The following C1RL variants were observed in gnomAD, a reference collection of about 807,000 sequenced individuals.
C1RL encodes complement C1r subcomponent-like protein.
A neutral mutation model predicts 27.9 loss-of-function variants in C1RL; 27 were observed. The observed-to-expected ratio is 0.97, with a 90% CI of 0.71 to 1.33. The LOEUF is 1.33. Ranked by LOEUF, C1RL falls within the 40% of genes most tolerant of loss-of-function variation. The probability of loss-of-function intolerance (pLI) is 0.00; values close to 1 mark genes in which losing one functional copy is unlikely to be tolerated. For missense variants in C1RL, 563 were observed against 623.9 expected (o/e 0.90, Z 1.04); for synonymous variants, 248 against 252.1 (o/e 0.98, Z 0.15).
In C1RL at chr12:7,109,213, C is replaced by G. The variant is rs1484009468; in HGVS notation, c.-33G>C. 19 of 1,504,456 alleles carry G rather than the reference C, an allele frequency of 1.3e-5. No individual in the cohort carries two copies. The highest frequency in any genetic ancestry group is 1.7e-5 in the Non-Finnish European group (19 of 1,089,788). The allele number at this position is 1,504,456 out of a possible 1,614,324, so 93.2% of individuals were successfully genotyped here. A position where few individuals can be genotyped will look rare whatever the true frequency, so the allele number is the denominator to read the frequency against. ...TGGACATCTGGGACCTGCGAGAGAA[C>G]TGGCCCAGGATAGGGAACAAAAGGT... On this transcript the variant is annotated 5_prime_UTR_variant, in exon 1 of 6. Transcript: ENST00000266542.
At chr12:7,108,868 C>T (rs1168605895) in intron 1 of C1RL, 3 of 557,738 alleles carry the variant, frequency 5.4e-6, no homozygotes, top group Non-Finnish European at 9.6e-6. Context: ...CGACCACCCT[C>T]TGGGAAGGTG....
rs972893938 is a variant in C1RL, at chr12:7,095,856, C to G, written c.*535G>C. The G allele has an allele frequency of 1.1e-6, 1 of 880,410 alleles. No homozygotes were observed. Among genetic ancestry groups the G allele is most frequent in the Non-Finnish European group, 1.4e-6 (1 of 734,368 alleles). The allele number at this position is 880,410 out of a possible 1,614,324, so 54.5% of individuals were successfully genotyped here. A position where few individuals can be genotyped will look rare whatever the true frequency, so the allele number is the denominator to read the frequency against. Reference sequence around the variant, plus strand: ...TTAAGTGAAATAACAGGTGAAGCACCTGGCATATAGAGGACATAAAATAAA... The same window carrying G: ...TTAAGTGAAATAACAGGTGAAGCACGTGGCATATAGAGGACATAAAATAAA... On this transcript the variant is annotated 3_prime_UTR_variant, in exon 6 of 6. Transcript: ENST00000266542.
intron 5 of C1RL, 93 bp from the exon 6 acceptor site, chr12:7,097,256 C>T (rs958996678): frequency 4.3e-5 from 48 of 1,122,126 alleles, no homozygotes; most frequent in East Asian, 1.5e-4. Flanking sequence ...TGGTAGGGGA[C>T]GCGTGAAGAG....
intron 2 of C1RL, among the ~76,000 whole-genome samples, chr12:7,107,165 T>C (rs1231290067): frequency 6.6e-6 from 1 of 151,274 alleles, no homozygotes; most frequent in Non-Finnish European, 1.5e-5. Flanking sequence ...TAAACCTTTT[T>C]AAAAACCTTT....
chr12:7,096,182 G>A lies in C1RL; in HGVS notation c.*209C>T. ...AGAGGGTGAGGAGGAGCGGTCTGTG[G>A]GACTCTGCTTCCTGTCTGGGATGGG... On this transcript the variant is annotated 3_prime_UTR_variant, in exon 6 of 6. Transcript: ENST00000266542. 7.3e-7 allele frequency: 1 copy of A among 1,369,778 alleles called. No individual in the cohort carries two copies. The highest frequency in any genetic ancestry group is 1.8e-5 in the South Asian group (1 of 55,746). 84.9% of individuals were successfully genotyped at this position (1,369,778 alleles called of 1,614,324 possible).
rs1938438446 is a variant in C1RL at position 7,096,620 on chromosome 12, G to A, written c.1235C>T (p.Pro412Leu). The A allele has an allele frequency of 6.2e-7, 1 of 1,613,966 alleles. No homozygotes were observed. The highest frequency in any genetic ancestry group is 8.5e-7 in the Non-Finnish European group (1 of 1,180,022). ...CNAWLQKRQRPEVFSDNMFCV... is the reference protein window; with the variant it reads ...CNAWLQKRQRLEVFSDNMFCV... ...GAACATATTGTCAGAAAACACCTCG[G>A]GTCTCTGTCTCTTTTGGAGCCAGGC... The change falls in exon 6 of 6, where the codon CCC becomes CTC. Residue 412 changes from proline (P) to leucine (L), a missense_variant. Physicochemically the swap from Pro to Leu is moderately conservative, Grantham distance 98. Coordinates refer to ENST00000266542, the MANE Select transcript of C1RL (RefSeq NM_016546.4).
In C1RL at chr12:7,096,615, C is replaced by T; in HGVS notation, c.1240G>A (p.Val414Met). ...ACACAGAACATATTGTCAGAAAACA[C>T]CTCGGGTCTCTGTCTCTTTTGGAGC... ...AWLQKRQRPE[V>M]FSDNMFCVGD... The change falls in exon 6 of 6, where the codon GTG (valine) becomes ATG (methionine). Residue 414 changes from valine to methionine, a missense_variant. Transcript: ENST00000266542. 6.2e-7 allele frequency: 1 copy of T among 1,614,164 alleles called. No individual in the cohort carries two copies. Among genetic ancestry groups the T allele is most frequent in the Non-Finnish European group, 8.5e-7 (1 of 1,180,030 alleles).
At chr12:7,101,583 C>T (rs976203384) in intron 3 of C1RL, 3 of 468,802 alleles carry the variant, frequency 6.4e-6, no homozygotes, top group Non-Finnish European at 1.2e-5. Flanking sequence ...ATTTATCTTT[C>T]AAAAACAAAT....
Position 7,108,231 on chromosome 12 carries a change from C to T in C1RL, c.300+20G>A, listed in dbSNP as rs778365348. The T allele has an allele frequency of 6.4e-7, 1 of 1,569,112 alleles. No individual in the cohort carries two copies. The highest frequency in any genetic ancestry group is 1.1e-5 in the South Asian group (1 of 87,452). On this transcript the variant is annotated intron_variant, in intron 2 of 5. Transcript: ENST00000266542. ...TCCCTGGCCACAGTCCTGGCGGGAC[C>T]CCCCCCATCCCCAGCTCACTGTGAC...
chr12:7,099,041 C>CAAAAAAAAAA (rs35402492), intron 5 of C1RL, among the ~76,000 whole-genome samples: 26 of 127,568 alleles, frequency 2.0e-4, no homozygotes, highest in East Asian at 4.4e-4. Flanking sequence ...ACTAAAAATA[C>CAAAAAAAAAA]AAAAAAAAAA....
chr12:7,108,089 C>T, intron 2 of C1RL, 162 bp downstream of exon 2: 1 of 557,574 alleles, frequency 1.8e-6, no homozygotes, highest in Non-Finnish European at 3.0e-6. Flanking sequence ...GAGGCTGTGT[C>T]CTGGGGTCCA....
chr12:7,108,682 C>T, intron 1 of C1RL: 1 of 576,542 alleles, frequency 1.7e-6, no homozygotes, highest in Non-Finnish European at 3.1e-6. Context: ...GCCTCCCGCG[C>T]AGCCTGAGCT....
Position 7,096,077 on chromosome 12 carries a change from G to A in C1RL, c.*314C>T. Reference sequence around the variant, plus strand: ...TGTGTCAACAGATGAAGTAGGGGAAGGCGGTTCTAAGGACATTCAAGGCGA... The same window carrying A: ...TGTGTCAACAGATGAAGTAGGGGAAAGCGGTTCTAAGGACATTCAAGGCGA... On this transcript the variant is annotated 3_prime_UTR_variant, in exon 6 of 6. Transcript: ENST00000266542. 4.5e-6 allele frequency: 5 copies of A among 1,115,562 alleles called. No homozygotes were observed. In the South Asian group the frequency reaches 1.8e-4, roughly 40 times the overall value. 69.1% of individuals were successfully genotyped at this position (1,115,562 alleles called of 1,614,324 possible). A position where few individuals can be genotyped will look rare whatever the true frequency, so the allele number is the denominator to read the frequency against.
intron 2 of C1RL, among the ~76,000 whole-genome samples, chr12:7,102,370 G>T (rs943183959): frequency 6.6e-6 from 1 of 152,002 alleles, no homozygotes; most frequent in Admixed American, 6.5e-5. Flanking sequence ...GAAGTTCCTT[G>T]GGAACACCAG....
rs1381141910 is a variant in C1RL, at chr12:7,096,280, T to C, written c.*111A>G. The C allele has an allele frequency of 1.6e-5, 16 of 994,742 alleles. No individual in the cohort carries two copies. Among genetic ancestry groups the C allele is most frequent in the South Asian group, 2.4e-5 (1 of 42,252 alleles). The allele number at this position is 994,742 out of a possible 1,614,324, so 61.6% of individuals were successfully genotyped here. A position where few individuals can be genotyped will look rare whatever the true frequency, so the allele number is the denominator to read the frequency against. On this transcript the variant is annotated 3_prime_UTR_variant, in exon 6 of 6. Coordinates refer to ENST00000266542, the MANE Select transcript of C1RL (RefSeq NM_016546.4). Reference sequence around the variant, plus strand: ...GTGATGTGAATAGGATTTCCCTGCCTCCCCCAACCCCCCACCCCCAACCCC... The same window carrying C: ...GTGATGTGAATAGGATTTCCCTGCCCCCCCCAACCCCCCACCCCCAACCCC...
intron 5 of C1RL, 182 bp from the exon 6 acceptor site, chr12:7,097,345 C>T (rs1406333980): frequency 8.7e-6 from 5 of 572,012 alleles, no homozygotes; most frequent in Admixed American, 3.6e-5. Flanking sequence ...CGTACTTGCG[C>T]GATCTCGGCT....
intron 3 of C1RL, 37 bp from the exon 4 acceptor site, chr12:7,100,063 T>A: frequency 6.3e-7 from 1 of 1,579,670 alleles, no homozygotes; most frequent in Non-Finnish European, 8.6e-7. Flanking sequence ...ACTTGCCAAC[T>A]GGCAACCCAG....
intron 2 of C1RL, among the ~76,000 whole-genome samples, chr12:7,107,147 G>A (rs1245528023): frequency 6.6e-6 from 1 of 151,834 alleles, no homozygotes. Context: ...GGAGACTGCT[G>A]TTATTCATAA....
At chr12:7,099,849 T>C in intron 4 of C1RL, 52 bp downstream of exon 4, 1 of 1,612,540 alleles carries the variant, frequency 6.2e-7, no homozygotes. Context: ...TGTCAGGCAT[T>C]TGGGTGGGAA....
Sources: gnomAD v4.1 joint callset for allele counts (sites outside exome capture counted in the v4.1 genomes callset) on GRCh38, gnomAD v4.1.1 for gene constraint, MANE v1.5 for transcripts, NCBI Gene and HGNC (gene_info 2026-07-23, HGNC 2026-07-21) for gene names.